ZNF225: variants seen among roughly 807,000 people sequenced by gnomAD.
ZNF225 encodes the protein zinc finger protein 225.
In ZNF225, 6 loss-of-function variants were observed where a neutral mutation model predicts 12.0. The ratio of observed to expected loss-of-function variants is 0.50; its 90% CI spans 0.27 to 0.98. The LOEUF (loss-of-function observed/expected upper bound fraction) is 0.98. Ranked by LOEUF, ZNF225 falls within the 50% of genes least tolerant of loss-of-function variation. ZNF225 has a pLI of 0.11. For missense variants in ZNF225, 763 were observed against 848.2 expected, an observed-to-expected ratio of 0.90 and a Z score of 1.25; for synonymous variants, 271 against 283.2, an observed-to-expected ratio of 0.96 and a Z score of 0.43.
At position 44,121,133 on chromosome 19, in the gene ZNF225, G is replaced by A. The variant is rs543048822; in HGVS notation, c.235+2559G>A. 5.9e-5 allele frequency among the ~76,000 whole-genome samples: 9 copies of A among 152,188 alleles called. No individual in the cohort carries two copies. The East Asian group carries it at 7.7e-4, about 13-fold the overall frequency. On this transcript the variant is annotated intron_variant, in intron 4 of 4. Transcript: ENST00000262894. ...AGGATGGTCTCGATCTCCTGACCTCGTGATCCACCCGCCTCGGCCTCCCAA... is the reference window on the plus strand; with the variant it reads ...AGGATGGTCTCGATCTCCTGACCTCATGATCCACCCGCCTCGGCCTCCCAA...
chr19:44,118,388 A>G (rs1967986677), intron 3 of ZNF225, 74 bp downstream of exon 3: 4 of 1,610,382 alleles, frequency 2.5e-6, no homozygotes, highest in Non-Finnish European at 3.4e-6. Flanking sequence ...TTCAAGTTTG[A>G]GTATGCATTG....
chr19:44,118,687 T>TA, intron 4 of ZNF225, 113 bp downstream of exon 4: 1 of 1,081,630 alleles, frequency 9.2e-7, no homozygotes, highest in Non-Finnish European at 1.3e-6. Context: ...TTTCCTGAAT[T>TA]ATTACAGCTG....
chr19:44,114,638 G>A (rs1031980542), intron 1 of ZNF225, among the ~76,000 whole-genome samples: 1 of 152,066 alleles, frequency 6.6e-6, no homozygotes, highest in African/African-American at 2.4e-5. Context: ...AGCCTCCCAA[G>A]TAGCTGGGAT....
Position 44,132,939 on chromosome 19 carries a change from A to G in ZNF225, c.*204A>G. The G allele has an allele frequency of 6.7e-6, 3 of 448,810 alleles. No homozygotes were observed. In the South Asian group the frequency reaches 1.1e-4, roughly 16 times the overall value. The allele number at this position is 448,810 out of a possible 1,614,324, so 27.8% of individuals were successfully genotyped here. A position where few individuals can be genotyped will look rare whatever the true frequency, so the allele number is the denominator to read the frequency against. ...ACCCTGTAGTGGTGTAAAACACTAGAACTTATTCCTCCTACCTGCCTGTAT... is the reference window on the plus strand; with the variant it reads ...ACCCTGTAGTGGTGTAAAACACTAGGACTTATTCCTCCTACCTGCCTGTAT... On this transcript the variant is annotated 3_prime_UTR_variant, in exon 5 of 5. Coordinates refer to ENST00000262894, the MANE Select transcript of ZNF225 (RefSeq NM_013362.4).
Position 44,118,606 on chromosome 19 carries a change from G to A in ZNF225, c.235+32G>A, listed in dbSNP as rs79233576. ...AGCAAGCAACTCTGTGTCCTTGTGC[G>A]TGACTCTCCCATCGGTTTCACTTCT... On this transcript the variant is annotated intron_variant, in intron 4 of 4. Transcript: ENST00000262894. 17,235 of 1,592,292 alleles carry A rather than the reference G, an allele frequency of 0.011. 1,288 individuals are homozygous for A. The African/African-American group carries it at 0.18, about 17-fold the overall frequency.
Position 44,131,978 on chromosome 19 carries a change from C to G in ZNF225, c.1364C>G (p.Pro455Arg), listed in dbSNP as rs191376304. 3,263 of 1,613,482 alleles carry G rather than the reference C, an allele frequency of 2.0e-3. 7 individuals are homozygous for G. The highest frequency in any genetic ancestry group is 3.5e-3 in the Middle Eastern group (21 of 6,058). ...CAGAGGGTCCACAGAGGAGAGAAACCCTATAATTGTAAGGAATGTGGGAAG... is the reference window on the plus strand; with the variant it reads ...CAGAGGGTCCACAGAGGAGAGAAACGCTATAATTGTAAGGAATGTGGGAAG... ...FHQRVHRGEK[P>R]YNCKECGKSF... Residue 455 changes from proline (P) to arginine (R), a missense_variant, in exon 5 of 5, where the codon CCC (proline) becomes CGC (arginine). Transcript: ENST00000262894.
chr19:44,121,762 T>A (rs898247002), intron 4 of ZNF225, among the ~76,000 whole-genome samples: 17 of 152,248 alleles, frequency 1.1e-4, no homozygotes, highest in African/African-American at 3.9e-4. Context: ...TTGAGCTTTT[T>A]AAAATATGTT....
At position 44,118,286 on chromosome 19, in the gene ZNF225, G is replaced by A. The variant is rs373559946; in HGVS notation, c.114G>A (p.Leu38=). 1.2e-6 allele frequency: 2 copies of A among 1,613,100 alleles called. No individual in the cohort carries two copies. The highest frequency in any genetic ancestry group is 1.7e-6 in the Non-Finnish European group (2 of 1,179,656). The stretch of plus-strand genomic sequence containing the variant: ...GGAAACTGTACCGAGAAGTGATGCT[G>A]GAGAACTTCAGGAACCTGCTCTCAG... ...AQRKLYREVM[L]ENFRNLLSVG... The change falls in exon 3 of 5, where the codon CTG becomes CTA. Residue 38 remains leucine, a synonymous_variant. Transcript: ENST00000262894.
intron 4 of ZNF225, among the ~76,000 whole-genome samples, chr19:44,127,363 G>T (rs937510421): frequency 6.6e-6 from 1 of 152,216 alleles, no homozygotes; most frequent in African/African-American, 2.4e-5. Context: ...CACTTCCACA[G>T]TTGGGGCACT....
rs1338866570 is a variant in ZNF225, at chr19:44,134,376, T to TGCCTA, written c.*1642_*1646dup. 2.0e-5 allele frequency: 3 copies of TGCCTA among 152,224 alleles called. No homozygotes were observed. 9.4% of individuals were successfully genotyped at this position (152,224 alleles called of 1,614,324 possible). On this transcript the variant is annotated 3_prime_UTR_variant, in exon 5 of 5. Transcript: ENST00000262894. Reference sequence around the variant, plus strand: ...CAAGTGTTCAGAATAACTTGAACCATGCCTACCAGTTATGGAATGGTGGCA... The same window carrying TGCCTA: ...CAAGTGTTCAGAATAACTTGAACCATGCCTAGCCTACCAGTTATGGAATGGTGGCA...
intron 4 of ZNF225, among the ~76,000 whole-genome samples, chr19:44,125,416 T>C (rs1356555512): frequency 2.0e-5 from 3 of 152,256 alleles, no homozygotes; most frequent in African/African-American, 7.2e-5. Context: ...GTTAATCTGA[T>C]AGGTTTTCCT....
chr19:44,131,982 T>C lies in ZNF225; in HGVS notation c.1368T>C (p.Tyr456=), dbSNP rs1968274711. 6.2e-7 allele frequency: 1 copy of C among 1,613,746 alleles called. No homozygotes were observed. The highest frequency in any genetic ancestry group is 1.1e-5 in the South Asian group (1 of 91,054). The change falls in exon 5 of 5, where the codon TAT becomes TAC. Residue 456 remains tyrosine, a synonymous_variant. Transcript: ENST00000262894. The part of the protein sequence containing the change: ...HQRVHRGEKP[Y]NCKECGKSFG... ...GGGTCCACAGAGGAGAGAAACCCTA[T>C]AATTGTAAGGAATGTGGGAAGAGCT...
chr19:44,123,704 C>T (rs1160151209), intron 4 of ZNF225, among the ~76,000 whole-genome samples: 1 of 152,042 alleles, frequency 6.6e-6, no homozygotes, highest in East Asian at 1.9e-4. Flanking sequence ...TCTAATTTTT[C>T]CTGATTTAAG....
upstream of ZNF225, chr19:44,112,146 G>T (rs570737280): frequency 6.6e-6 from 1 of 152,310 alleles, no homozygotes; most frequent in East Asian, 1.9e-4. Context: ...TACATAGTGC[G>T]TGGGGAAGGC....
At chr19:44,130,399 T>A (rs10408901) in intron 4 of ZNF225, 110,099 of 149,950 alleles carry the variant, frequency 0.73, 42,184 homozygotes, top group Non-Finnish European at 0.88. Context: ...ACACTCTCTT[T>A]AAAAAAGGAA....
At chr19:44,129,048 C>G (rs1028470099) in intron 4 of ZNF225, 2 of 1,231,496 alleles carry the variant, frequency 1.6e-6, no homozygotes, top group Non-Finnish European at 2.0e-6. Flanking sequence ...TCAGGTCCAG[C>G]CTTTCAGATT....
At chr19:44,119,560 ACT>A (rs1469526836) in intron 4 of ZNF225, among the ~76,000 whole-genome samples, 1 of 151,660 alleles carries the variant, frequency 6.6e-6, no homozygotes, top group Non-Finnish European at 1.5e-5. Flanking sequence ...AGTCATGCTC[ACT>A]CTGCCACTCT....
rs756059936 is a variant in ZNF225 at position 44,131,718 on chromosome 19, G to A, written c.1104G>A (p.Gly368=). ...ATAAGCATCAGATAGACCACACAGG[G>A]GAGAAGCCATATAATTGTAAAGAAT... The part of the protein sequence containing the change: ...DLYKHQIDHT[G]EKPYNCKECG... The change falls in exon 5 of 5, where the codon GGG becomes GGA. Residue 368 remains glycine, a synonymous_variant. Transcript: ENST00000262894. 11 of 1,614,186 alleles carry A rather than the reference G, an allele frequency of 6.8e-6. No homozygotes were observed. Among genetic ancestry groups the A allele is most frequent in the Non-Finnish European group, 9.3e-6 (11 of 1,180,028 alleles).
chr19:44,117,332 A>C (rs2147553761), intron 2 of ZNF225, among the ~76,000 whole-genome samples: 1 of 152,358 alleles, frequency 6.6e-6, no homozygotes, highest in African/African-American at 2.4e-5. Flanking sequence ...ATCATAGATC[A>C]ATGCTGCAAT....
Sources: gnomAD v4.1 joint callset for allele counts (sites outside exome capture counted in the v4.1 genomes callset) on GRCh38, gnomAD v4.1.1 for gene constraint, MANE v1.5 for transcripts, NCBI Gene and HGNC (gene_info 2026-07-23, HGNC 2026-07-21) for gene names.